Variants in ERLIN1 observed in about 807,000 individuals in gnomAD.
The protein encoded by ERLIN1 is ER lipid raft associated 1.
ERLIN1 carries 24 observed loss-of-function variants against 46.9 expected under a neutral mutation model. The ratio of observed to expected loss-of-function variants is 0.51; its 90% confidence interval spans 0.37 to 0.72. The LOEUF (loss-of-function observed/expected upper bound fraction) is 0.72. Ranked by LOEUF, ERLIN1 falls within the 30% of genes least tolerant of loss-of-function variation. The pLI is 0.00. For synonymous variants in ERLIN1, 158 were observed against 143.2 expected (o/e 1.10, Z -0.74); for missense variants, 293 against 417.9 (o/e 0.70, Z 2.61).
intron 2 of ERLIN1, among the ~76,000 whole-genome samples, 188 bp downstream of exon 2, chr10:100,183,568 C>T (rs1288214866): frequency 6.6e-6 from 1 of 152,174 alleles, no homozygotes; most frequent in Non-Finnish European, 1.5e-5. Flanking sequence ...TAATTCATTT[C>T]AAGTAAGTGA....
intron 4 of ERLIN1, among the ~76,000 whole-genome samples, chr10:100,177,915 A>G (rs1198270834): frequency 6.6e-6 from 1 of 152,212 alleles, no homozygotes; most frequent in Admixed American, 6.5e-5. Flanking sequence ...TTGCTCTTAG[A>G]AACACTAAGC....
intron 5 of ERLIN1, 123 bp from the exon 6 acceptor site, chr10:100,174,404 G>T: frequency 1.5e-6 from 1 of 655,898 alleles, no homozygotes; most frequent in Non-Finnish European, 2.6e-6. Flanking sequence ...CTTTTACAGA[G>T]CTTAAACTGC....
intron 5 of ERLIN1, 115 bp from the exon 6 acceptor site, chr10:100,174,396 T>C: frequency 1.4e-6 from 1 of 733,224 alleles, no homozygotes; most frequent in East Asian, 2.7e-5. Flanking sequence ...GTACTATTCT[T>C]TTACAGAGCT....
intron 6 of ERLIN1, among the ~76,000 whole-genome samples, chr10:100,172,110 G>A (rs1844035283): frequency 6.6e-6 from 1 of 152,144 alleles, no homozygotes. Flanking sequence ...TATAAGCTTG[G>A]TCATTCCAAC....
chr10:100,159,242 C>T (rs1271848882), intron 8 of ERLIN1, among the ~76,000 whole-genome samples: 2 of 152,052 alleles, frequency 1.3e-5, no homozygotes, highest in Non-Finnish European at 2.9e-5. Flanking sequence ...TATAACAATC[C>T]TGAACCTGAA....
chr10:100,153,932 G>A (rs780498516), intron 10 of ERLIN1, among the ~76,000 whole-genome samples: 2 of 151,930 alleles, frequency 1.3e-5, no homozygotes, highest in Non-Finnish European at 2.9e-5. Flanking sequence ...GGTTTTCAAA[G>A]TACTGACAAC....
intron 2 of ERLIN1, among the ~76,000 whole-genome samples, chr10:100,180,132 C>T (rs370746022): frequency 1.3e-5 from 2 of 152,262 alleles, no homozygotes. Context: ...GTACTGCTTC[C>T]TCCTGGTGAA....
chr10:100,154,990 G>T, intron 9 of ERLIN1, 51 bp from the exon 10 acceptor site: 1 of 1,456,910 alleles, frequency 6.9e-7, no homozygotes, highest in South Asian at 1.1e-5. Flanking sequence ...AGCTAGTTAA[G>T]AGTCCCTTTC....
At chr10:100,179,089 C>A in intron 3 of ERLIN1, 112 bp downstream of exon 3, 1 of 760,472 alleles carries the variant, frequency 1.3e-6, no homozygotes, top group Non-Finnish European at 2.2e-6. Context: ...GATCAGAAGT[C>A]CCCTTGGGTT....
intron 2 of ERLIN1, among the ~76,000 whole-genome samples, chr10:100,182,139 G>A (rs986290878): frequency 6.6e-6 from 1 of 151,186 alleles, no homozygotes; most frequent in African/African-American, 2.4e-5. Flanking sequence ...AAGCATGAAG[G>A]CAGAGACAGA....
chr10:100,153,228 G>T (rs1366966549), intron 10 of ERLIN1, among the ~76,000 whole-genome samples: 1 of 152,132 alleles, frequency 6.6e-6, no homozygotes, highest in Non-Finnish European at 1.5e-5. Flanking sequence ...ACAGATGTTT[G>T]TCGACCACCA....
At chr10:100,166,371 T>C (rs1843640269) in intron 7 of ERLIN1, among the ~76,000 whole-genome samples, 1 of 151,584 alleles carries the variant, frequency 6.6e-6, no homozygotes, top group African/African-American at 2.4e-5. Context: ...GAGACTGCAG[T>C]GAGCCGTGAT....
intron 1 of ERLIN1, among the ~76,000 whole-genome samples, chr10:100,185,278 T>G (rs970715324): frequency 6.6e-6 from 1 of 152,176 alleles, no homozygotes; most frequent in African/African-American, 2.4e-5. Context: ...TAATTGAGTT[T>G]GCTGTGTATA....
chr10:100,152,126 T>C lies in ERLIN1; in HGVS notation c.*5A>G, dbSNP rs767767569. On this transcript the variant is annotated 3_prime_UTR_variant, in exon 11 of 11. Coordinates refer to ENST00000421367, the MANE Select transcript of ERLIN1 (RefSeq NM_006459.4). ...TTGATATGGAGAACATTTCCACCTC[T>C]TGCATCAACCTGTGCTCTCTTTGTT... The C allele has an allele frequency of 1.3e-6, 2 of 1,591,080 alleles. No homozygotes were observed. Among genetic ancestry groups the C allele is most frequent in the Non-Finnish European group, 1.7e-6 (2 of 1,158,986 alleles).
At chr10:100,183,713 G>C (rs1389305239) in intron 2 of ERLIN1, 43 bp downstream of exon 2, 1 of 1,332,462 alleles carries the variant, frequency 7.5e-7, no homozygotes, top group Admixed American at 1.8e-5. Context: ...CTCCTGTCAT[G>C]CCTGTCTATC....
chr10:100,172,909 T>A (rs984072777), intron 6 of ERLIN1, among the ~76,000 whole-genome samples: 2 of 152,208 alleles, frequency 1.3e-5, no homozygotes, highest in African/African-American at 4.8e-5. Flanking sequence ...CTGGGCAGAA[T>A]CTAAGAGCTG....
At chr10:100,172,708 C>T (rs1449168963) in intron 6 of ERLIN1, among the ~76,000 whole-genome samples, 1 of 152,084 alleles carries the variant, frequency 6.6e-6, no homozygotes, top group Non-Finnish European at 1.5e-5. Flanking sequence ...ATTATTTGCA[C>T]ATATTGCTGT....
intron 6 of ERLIN1, among the ~76,000 whole-genome samples, chr10:100,168,963 C>A (rs1041058215): frequency 2.6e-5 from 4 of 152,132 alleles, no homozygotes; most frequent in African/African-American, 9.7e-5. Flanking sequence ...GGATTACAGG[C>A]GTGAGCCACC....
intron 7 of ERLIN1, 51 bp downstream of exon 7, chr10:100,167,297 T>C (rs1228453322): frequency 5.4e-6 from 7 of 1,290,642 alleles, no homozygotes; most frequent in Non-Finnish European, 7.9e-6. Flanking sequence ...GGAATATTAA[T>C]ATGCAGACAG....
Sources: gnomAD v4.1 joint callset for allele counts (sites outside exome capture counted in the v4.1 genomes callset) on GRCh38, gnomAD v4.1.1 for gene constraint, MANE v1.5 for transcripts, NCBI Gene and HGNC (gene_info 2026-07-23, HGNC 2026-07-21) for gene names.